Variants in SMC2 observed in about 807,000 individuals in gnomAD.
SMC2 encodes the protein structural maintenance of chromosomes 2.
In SMC2, 41 loss-of-function variants were observed where a neutral mutation model predicts 142.6. The observed-to-expected ratio is 0.29, with a 90% confidence interval of 0.22 to 0.37. The LOEUF is 0.37. Among genes scored for constraint, SMC2 ranks in the 10% least tolerant of loss-of-function variants. SMC2 has a pLI of 1.00. For missense variants in SMC2, 1,265 were observed against 1,373.7 expected (o/e 0.92, Z 1.25); for synonymous variants, 463 against 457.5 (o/e 1.01, Z -0.15).
At position 104,139,446 on chromosome 9, in the gene SMC2, A is replaced by G; in HGVS notation, c.*131A>G. On this transcript the variant is annotated 3_prime_UTR_variant, in exon 25 of 25. Coordinates refer to ENST00000374793, the MANE Select transcript of SMC2 (RefSeq NM_006444.3). Reference sequence around the variant, plus strand: ...CTTAACCCATGTTTTCTCTTTATATAATCACTTATCGCTTACAAATGAGCA... The same window carrying G: ...CTTAACCCATGTTTTCTCTTTATATGATCACTTATCGCTTACAAATGAGCA... 1.5e-6 allele frequency: 1 copy of G among 662,982 alleles called. No homozygotes were observed. Among genetic ancestry groups the G allele is most frequent in the Admixed American group, 3.9e-5 (1 of 25,428 alleles). 41.1% of individuals were successfully genotyped at this position (662,982 alleles called of 1,614,324 possible).
At chr9:104,104,622 A>G (rs1831540132) in intron 9 of SMC2, among the ~76,000 whole-genome samples, 1 of 152,146 alleles carries the variant, frequency 6.6e-6, no homozygotes, top group Non-Finnish European at 1.5e-5. Context: ...TTCTACAGTT[A>G]TTCTTGAGAA....
At chr9:104,119,505 C>G (rs1175958341) in intron 15 of SMC2, among the ~76,000 whole-genome samples, 2 of 152,162 alleles carry the variant, frequency 1.3e-5, no homozygotes, top group South Asian at 2.1e-4. Context: ...GCCCCGAAAT[C>G]TTAGCTTACA....
intron 9 of SMC2, among the ~76,000 whole-genome samples, chr9:104,106,836 A>C (rs1274213355): frequency 6.6e-6 from 1 of 152,172 alleles, no homozygotes; most frequent in African/African-American, 2.4e-5. Flanking sequence ...TCACCACTGC[A>C]TGTAGTTTGA....
In SMC2 at chr9:104,111,575, C is replaced by A. The variant is rs1240576629; in HGVS notation, c.1021-6C>A. ...AATATTTTTCCATTTGAAACTCTTC[C>A]TAAAGGACTCAAAAACTTTAGCAGC... On this transcript the variant is annotated splice_polypyrimidine_tract_variant and splice_region_variant and intron_variant, in intron 9 of 24. Transcript: ENST00000374793. 7.5e-6 allele frequency: 12 copies of A among 1,599,704 alleles called. No homozygotes were observed. The highest frequency in any genetic ancestry group is 1.0e-5 in the Non-Finnish European group (12 of 1,168,450).
At chr9:104,117,393 T>A (rs1833240084) in intron 14 of SMC2, among the ~76,000 whole-genome samples, 1 of 152,234 alleles carries the variant, frequency 6.6e-6, no homozygotes, top group South Asian at 2.1e-4. Context: ...CTGCTGATAC[T>A]AAGCTCTAAA....
upstream of SMC2, among the ~76,000 whole-genome samples, chr9:104,091,345 A>G (rs1020208616): frequency 6.6e-6 from 1 of 152,216 alleles, no homozygotes; most frequent in Admixed American, 6.5e-5. Flanking sequence ...TTGTGTTTCT[A>G]AACAGAAAGG....
rs1834733878 is a variant in SMC2, at chr9:104,129,737, C to T, written c.2883C>T (p.Asn961=). The change falls in exon 21 of 25, where the codon AAC becomes AAT. Residue 961 remains asparagine, a synonymous_variant. Coordinates refer to ENST00000374793, the MANE Select transcript of SMC2 (RefSeq NM_006444.3). ...PNSAYDFKTN[N]PKEAGQRLQK... ...GTGCCTATGATTTCAAAACTAACAACCCTAAAGAAGCTGGTCAGAGACTTC... is the reference window on the plus strand; with the variant it reads ...GTGCCTATGATTTCAAAACTAACAATCCTAAAGAAGCTGGTCAGAGACTTC... 6.2e-7 allele frequency: 1 copy of T among 1,613,784 alleles called. No individual in the cohort carries two copies. The highest frequency in any genetic ancestry group is 8.5e-7 in the Non-Finnish European group (1 of 1,179,782).
At chr9:104,089,684 C>G (rs1010262698), upstream of SMC2, among the ~76,000 whole-genome samples, 1 of 152,038 alleles carries the variant, frequency 6.6e-6, no homozygotes, top group Non-Finnish European at 1.5e-5. Flanking sequence ...AAAGCTCTGT[C>G]ACCAGGCTGG....
At chr9:104,119,877 CAGGTGAT>C in intron 15 of SMC2, 143 bp from the exon 16 acceptor site, 1 of 746,256 alleles carries the variant, frequency 1.3e-6, no homozygotes, top group East Asian at 2.6e-5. Context: ...TTCTAAGGTT[CAGGTGAT>C]GGAATGAATT....
intron 3 of SMC2, 23 bp from the exon 4 acceptor site, chr9:104,098,423 T>C (rs761306214): frequency 1.3e-6 from 2 of 1,556,476 alleles, no homozygotes; most frequent in Non-Finnish European, 1.7e-6. Context: ...CATTAATATT[T>C]AAAAAATTGC....
chr9:104,119,787 G>A (rs529590418), intron 15 of SMC2, among the ~76,000 whole-genome samples: 18 of 152,196 alleles, frequency 1.2e-4, no homozygotes, highest in African/African-American at 3.4e-4. Flanking sequence ...ATGGAAGATG[G>A]GCCCAGTAGA....
At chr9:104,139,098 T>C in intron 24 of SMC2, 41 bp from the exon 25 acceptor site, 1 of 1,404,464 alleles carries the variant, frequency 7.1e-7, no homozygotes, top group Non-Finnish European at 9.6e-7. Flanking sequence ...TTCAAGTATA[T>C]CACAAAAAGT....
intron 1 of SMC2, 183 bp downstream of exon 1, chr9:104,094,660 G>T (rs1026582727): frequency 2.4e-5 from 9 of 373,800 alleles, no homozygotes; most frequent in Admixed American, 9.1e-5. Context: ...GGGCGAAGAG[G>T]TGTAGACAGG....
Sources: allele counts gnomAD v4.1 joint callset (sites outside exome capture counted in the v4.1 genomes callset), GRCh38; gene constraint gnomAD v4.1.1; transcripts MANE v1.5; gene names NCBI Gene and HGNC (gene_info 2026-07-23, HGNC 2026-07-21).